SPIDR: variants seen among roughly 807,000 people sequenced by gnomAD.
SPIDR encodes the protein DNA repair-scaffolding protein.
SPIDR carries 93 observed loss-of-function variants against 104.6 expected under a neutral mutation model. That is an observed-to-expected ratio of 0.89 (90% CI 0.75 to 1.06). The LOEUF (loss-of-function observed/expected upper bound fraction) is 1.06. Ranked by LOEUF, SPIDR falls within the 50% of genes least tolerant of loss-of-function variation. SPIDR has a pLI of 0.00. For missense variants in SPIDR, 1,154 were observed against 1,111.2 expected, an observed-to-expected ratio of 1.04 and a Z score of -0.55; for synonymous variants, 431 against 416.9, an observed-to-expected ratio of 1.03 and a Z score of -0.41.
intron 19 of SPIDR, among the ~76,000 whole-genome samples, chr8:47,735,027 C>G (rs1167057008): frequency 6.6e-6 from 1 of 151,968 alleles, no homozygotes; most frequent in Non-Finnish European, 1.5e-5. Context: ...GCATCGTGTC[C>G]CAAGTAAAAA....
intron 10 of SPIDR, among the ~76,000 whole-genome samples, chr8:47,621,561 G>T (rs1340886749): frequency 6.6e-6 from 1 of 152,170 alleles, no homozygotes; most frequent in Non-Finnish European, 1.5e-5. Flanking sequence ...GCCCTTTCTT[G>T]CCTGTGTGTG....
intron 8 of SPIDR, among the ~76,000 whole-genome samples, chr8:47,519,750 AC>A (rs1486694044): frequency 8.5e-5 from 13 of 152,292 alleles, no homozygotes; most frequent in African/African-American, 2.6e-4. Context: ...GCACCACTGC[AC>A]TCTAGCCTAA....
At chr8:47,717,743 A>G (rs1446839378) in intron 16 of SPIDR, among the ~76,000 whole-genome samples, 1 of 152,168 alleles carries the variant, frequency 6.6e-6, no homozygotes, top group Non-Finnish European at 1.5e-5. Flanking sequence ...GAACCTTCAA[A>G]TGGGTGTTGA....
intron 6 of SPIDR, among the ~76,000 whole-genome samples, chr8:47,398,434 G>A (rs144429967): frequency 6.6e-6 from 1 of 152,136 alleles, no homozygotes; most frequent in Non-Finnish European, 1.5e-5. Context: ...AAATTTTATG[G>A]AGAAAAAGCA....
chr8:47,693,856 G>A (rs1359192646), intron 11 of SPIDR, among the ~76,000 whole-genome samples: 1 of 152,234 alleles, frequency 6.6e-6, no homozygotes, highest in African/African-American at 2.4e-5. Context: ...GGCCTTTGCT[G>A]TTCTCTTTGG....
At chr8:47,389,895 A>G (rs6992139) in intron 5 of SPIDR, among the ~76,000 whole-genome samples, 15,419 of 151,976 alleles carry the variant, frequency 0.1, 1,186 homozygotes, top group African/African-American at 0.21. Context: ...CAATTTTCTG[A>G]CCACCTTCTC....
chr8:47,342,979 A>G (rs782411837), intron 5 of SPIDR, among the ~76,000 whole-genome samples: 1 of 152,194 alleles, frequency 6.6e-6, no homozygotes, highest in African/African-American at 2.4e-5. Context: ...CTCATTATCT[A>G]GCTGTTCTAA....
chr8:47,321,754 A>C (rs7828350), intron 5 of SPIDR, among the ~76,000 whole-genome samples: 56 of 152,054 alleles, frequency 3.7e-4, no homozygotes, highest in African/African-American at 1.1e-3. Context: ...GAGATATAGA[A>C]CAATGGAACA....
intron 5 of SPIDR, among the ~76,000 whole-genome samples, chr8:47,295,080 G>T (rs2040597335): frequency 6.6e-6 from 1 of 151,990 alleles, no homozygotes; most frequent in African/African-American, 2.4e-5. Context: ...AGTATATTCT[G>T]CAGCTAATAC....
At chr8:47,320,415 G>A (rs1053821560) in intron 5 of SPIDR, among the ~76,000 whole-genome samples, 1 of 152,130 alleles carries the variant, frequency 6.6e-6, no homozygotes, top group Non-Finnish European at 1.5e-5. Context: ...TTGAATCTCT[G>A]AACGGACCAA....
At chr8:47,645,548 A>C (rs538595827) in intron 10 of SPIDR, among the ~76,000 whole-genome samples, 1 of 152,286 alleles carries the variant, frequency 6.6e-6, no homozygotes, top group South Asian at 2.1e-4. Context: ...CCGGGAAGGA[A>C]TTATCTTCTC....
Position 47,291,051 on chromosome 8 carries a change from G to T in SPIDR, c.275G>T (p.Ser92Ile). ...RPKQETTTSKSTSGLTDITWS... is the reference protein window; with the variant it reads ...RPKQETTTSKITSGLTDITWS... Reference sequence around the variant, plus strand: ...TCAACAGAAACCACCACATCTAAAAGCACCAGTGGGCTTACAGACATAACA... The same window carrying T: ...TCAACAGAAACCACCACATCTAAAATCACCAGTGGGCTTACAGACATAACA... The change falls in exon 4 of 20, where the codon AGC (serine) becomes ATC (isoleucine). Residue 92 changes from serine (S) to isoleucine (I), a missense_variant. Ser to Ile is a moderately radical substitution (Grantham distance 142). Coordinates refer to ENST00000297423, the MANE Select transcript of SPIDR (RefSeq NM_001080394.4). 6.2e-7 allele frequency: 1 copy of T among 1,610,850 alleles called. No homozygotes were observed. The highest frequency in any genetic ancestry group is 1.7e-5 in the Admixed American group (1 of 59,830).
intron 5 of SPIDR, among the ~76,000 whole-genome samples, chr8:47,296,916 C>T (rs1240089845): frequency 6.6e-6 from 1 of 152,138 alleles, no homozygotes; most frequent in East Asian, 1.9e-4. Flanking sequence ...TATCTTTCAT[C>T]AGTGTTTTGT....
At chr8:47,396,030 G>A (rs1167965807) in intron 5 of SPIDR, among the ~76,000 whole-genome samples, 4 of 152,182 alleles carry the variant, frequency 2.6e-5, no homozygotes, top group South Asian at 4.1e-4. Flanking sequence ...TTGTAGTGAC[G>A]ATCATCAGCC....
chr8:47,551,686 G>C (rs1024307789), intron 8 of SPIDR, among the ~76,000 whole-genome samples: 1 of 151,826 alleles, frequency 6.6e-6, no homozygotes, highest in African/African-American at 2.4e-5. Flanking sequence ...TCTTGCTAGC[G>C]GTCTATCAAT....
chr8:47,308,000 T>G (rs1224576530), intron 5 of SPIDR, among the ~76,000 whole-genome samples: 3 of 152,128 alleles, frequency 2.0e-5, no homozygotes, highest in African/African-American at 7.2e-5. Flanking sequence ...AAACAGGGCA[T>G]TTGAATATAA....
intron 8 of SPIDR, chr8:47,592,310 G>A: frequency 9.0e-7 from 1 of 1,106,610 alleles, no homozygotes; most frequent in Admixed American, 1.7e-5. Context: ...CGGATCTGCA[G>A]TGCTGGGGAC....
At chr8:47,344,110 C>T (rs1213332979) in intron 5 of SPIDR, among the ~76,000 whole-genome samples, 15 of 140,766 alleles carry the variant, frequency 1.1e-4, no homozygotes, top group African/African-American at 3.1e-4. Context: ...GAATGCTATC[C>T]CTACCCCCTC....
chr8:47,374,842 A>G (rs1554641334), intron 5 of SPIDR, among the ~76,000 whole-genome samples: 1 of 152,122 alleles, frequency 6.6e-6, no homozygotes, highest in African/African-American at 2.4e-5. Flanking sequence ...GATCACTTGA[A>G]GTTAGGAAGT....
Sources: gnomAD v4.1 joint callset for allele counts (sites outside exome capture counted in the v4.1 genomes callset) on GRCh38, gnomAD v4.1.1 for gene constraint, MANE v1.5 for transcripts, NCBI Gene and HGNC (gene_info 2026-07-23, HGNC 2026-07-21) for gene names.